FUT8: variants seen among roughly 807,000 people sequenced by gnomAD.
FUT8 encodes fucosyltransferase 8, also known as alpha-(1,6)-fucosyltransferase.
A neutral mutation model predicts 71.3 loss-of-function variants in FUT8; 29 were observed. The observed-to-expected ratio is 0.41, with a 90% CI of 0.30 to 0.55. The LOEUF (loss-of-function observed/expected upper bound fraction) is 0.55. FUT8 is among the 20% of genes least tolerant of loss of function. FUT8 has a pLI of 0.34. For synonymous variants in FUT8, 254 were observed against 239.3 expected (o/e 1.06, Z -0.57); for missense variants, 544 against 702.1 (o/e 0.77, Z 2.55).
At chr14:65,728,227 C>T (rs1328073435) in intron 9 of FUT8, among the ~76,000 whole-genome samples, 25 of 152,310 alleles carry the variant, frequency 1.6e-4, no homozygotes, top group Admixed American at 1.6e-3. Flanking sequence ...AGCAGCACTC[C>T]ACTTCTTGTA....
chr14:65,530,210 G>A lies in FUT8; in HGVS notation c.-227-31127G>A, dbSNP rs1371884101. ...GTTTTTTAACTCAGCAATGGCACTA[G>A]ATTCTATTAGGGTTTCACCTCCTAC... On this transcript the variant is annotated intron_variant, in intron 2 of 10. Coordinates refer to ENST00000673929, the MANE Select transcript of FUT8 (RefSeq NM_001371533.1). Among the ~76,000 whole-genome samples the A allele has an allele frequency of 2.0e-5, 3 of 152,150 alleles. No homozygotes were observed. The South Asian group carries it at 6.2e-4, about 31-fold the overall frequency.
At chr14:65,621,460 GA>G (rs1259758180) in intron 5 of FUT8, among the ~76,000 whole-genome samples, 51 of 152,212 alleles carry the variant, frequency 3.4e-4, no homozygotes, top group African/African-American at 1.2e-3. Flanking sequence ...ATGTTGGCCA[GA>G]ATAGTTTCGA....
At chr14:65,465,319 A>G (rs1349581854) in intron 2 of FUT8, among the ~76,000 whole-genome samples, 3 of 152,142 alleles carry the variant, frequency 2.0e-5, no homozygotes, top group Admixed American at 6.5e-5. Flanking sequence ...GCTTTGCTGC[A>G]TCCCACATTT....
At chr14:65,738,349 T>TATGTAGA (rs1896328210) in intron 10 of FUT8, among the ~76,000 whole-genome samples, 1 of 152,084 alleles carries the variant, frequency 6.6e-6, no homozygotes, top group Non-Finnish European at 1.5e-5. Context: ...TGAGAAAGCT[T>TATGTAGA]TGGAGGCTTA....
rs868430109 is a variant in FUT8, at chr14:65,673,531, C to T, written c.835+4051C>T. Among the ~76,000 whole-genome samples the T allele has an allele frequency of 9.2e-5, 14 of 152,184 alleles. No individual in the cohort carries two copies. The Middle Eastern group carries it at 0.024, about 259-fold the overall frequency. On this transcript the variant is annotated intron_variant, in intron 7 of 10. Coordinates refer to ENST00000673929, the MANE Select transcript of FUT8 (RefSeq NM_001371533.1). ...GAAGAAATGATTTTTAAGCTGAGACCTAAATTATGAGTAGGAGTCAACCAG... is the reference window on the plus strand; with the variant it reads ...GAAGAAATGATTTTTAAGCTGAGACTTAAATTATGAGTAGGAGTCAACCAG...
chr14:65,700,078 A>G (rs1013421727), intron 7 of FUT8, among the ~76,000 whole-genome samples: 1 of 152,208 alleles, frequency 6.6e-6, no homozygotes, highest in African/African-American at 2.4e-5. Context: ...TAGAGCCAAA[A>G]TGTAACATAA....
intron 7 of FUT8, among the ~76,000 whole-genome samples, chr14:65,674,845 T>A (rs1892635482): frequency 6.6e-6 from 1 of 152,154 alleles, no homozygotes; most frequent in Admixed American, 6.5e-5. Context: ...GTACCACATA[T>A]AGTTGAAAAG....
the FUT8 span, among the ~76,000 whole-genome samples, chr14:65,381,465 T>A: frequency 6.6e-6 from 1 of 152,202 alleles, no homozygotes; most frequent in Admixed American, 6.5e-5. Flanking sequence ...ACAACATTTG[T>A]CCTTGAAAAG....
chr14:65,634,561 TAAAAAA>T (rs35052434), intron 6 of FUT8, among the ~76,000 whole-genome samples: 23 of 124,046 alleles, frequency 1.9e-4, no homozygotes, highest in African/African-American at 2.4e-4. Flanking sequence ...AATGATCAAT[TAAAAAA>T]AAAAAAAAAA....
chr14:65,633,153 C>T (rs1353254654), intron 6 of FUT8, among the ~76,000 whole-genome samples: 6 of 152,084 alleles, frequency 3.9e-5, no homozygotes, highest in South Asian at 2.1e-4. Context: ...CGAGTGCCTG[C>T]GATTGCAGGC....
Position 65,699,145 on chromosome 14 carries a change from TACACACACACACACACAC to T in FUT8, c.836-22593_836-22576del, listed in dbSNP as rs60092488. On this transcript the variant is annotated intron_variant, in intron 7 of 10. Coordinates refer to ENST00000673929, the MANE Select transcript of FUT8 (RefSeq NM_001371533.1). Reference sequence around the variant, plus strand: ...TGTCATGTAAACACTCCCTCCCTTCTACACACACACACACACACACACACACACACACACACACACACA... The same window carrying T: ...TGTCATGTAAACACTCCCTCCCTTCTACACACACACACACACACACACACA... 7.0e-3 allele frequency among the ~76,000 whole-genome samples: 923 copies of T among 132,126 alleles called. 27 individuals are homozygous for T. The East Asian group carries it at 0.092, about 13-fold the overall frequency. The allele number at this position is 132,126 out of a possible 152,430, so 86.7% of individuals were successfully genotyped here.
At chr14:65,508,630 AGCTGGGATTACAGGT>A (rs1213930250) in intron 2 of FUT8, among the ~76,000 whole-genome samples, 1 of 149,822 alleles carries the variant, frequency 6.7e-6, no homozygotes, top group East Asian at 2.0e-4. Flanking sequence ...CCTCCGAAGT[AGCTGGGATTACAGGT>A]GCCTGCCACC....
At chr14:65,642,463 C>T (rs540659666) in intron 6 of FUT8, among the ~76,000 whole-genome samples, 63 of 152,012 alleles carry the variant, frequency 4.1e-4, no homozygotes, top group African/African-American at 1.2e-3. Flanking sequence ...ATTAGCCAGG[C>T]GTGGTGGCGC....
At chr14:65,514,616 A>G (rs1164128431) in intron 2 of FUT8, among the ~76,000 whole-genome samples, 1 of 152,188 alleles carries the variant, frequency 6.6e-6, no homozygotes, top group Non-Finnish European at 1.5e-5. Flanking sequence ...GACAGAATGT[A>G]TCAATGTATC....
chr14:65,367,426 C>T, the FUT8 span, among the ~76,000 whole-genome samples: 1 of 152,080 alleles, frequency 6.6e-6, no homozygotes, highest in Non-Finnish European at 1.5e-5. Flanking sequence ...CTAGAGGGAT[C>T]CTCCCAGCAC....
intron 6 of FUT8, among the ~76,000 whole-genome samples, chr14:65,642,454 T>C (rs1459196345): frequency 6.6e-6 from 1 of 151,888 alleles, no homozygotes; most frequent in Non-Finnish European, 1.5e-5. Context: ...AATACAAAAA[T>C]TAGCCAGGCG....
intron 7 of FUT8, among the ~76,000 whole-genome samples, chr14:65,694,445 T>C (rs1184672465): frequency 6.6e-6 from 1 of 152,234 alleles, no homozygotes; most frequent in African/African-American, 2.4e-5. Context: ...CAGCTATCTT[T>C]TTGTTAATGA....
At chr14:65,700,381 G>GTTTTTTTTTTTTTT (rs763718984) in intron 7 of FUT8, among the ~76,000 whole-genome samples, 4 of 48,880 alleles carry the variant, frequency 8.2e-5, no homozygotes, top group Non-Finnish European at 1.1e-4. Flanking sequence ...CTTTCTTTCT[G>GTTTTTTTTTTTTTT]TTTTTTTTTT....
chr14:65,739,720 G>A (rs1896399492), intron 10 of FUT8, among the ~76,000 whole-genome samples: 2 of 151,984 alleles, frequency 1.3e-5, no homozygotes, highest in Admixed American at 1.3e-4. Context: ...TCTTTCTGGT[G>A]TTACAATATG....
Sources: allele counts gnomAD v4.1 joint callset (sites outside exome capture counted in the v4.1 genomes callset), GRCh38; gene constraint gnomAD v4.1.1; transcripts MANE v1.5; gene names NCBI Gene and HGNC (gene_info 2026-07-23, HGNC 2026-07-21).